The following TMEM131 variants were observed in gnomAD, a reference collection of about 807,000 sequenced individuals.
The protein encoded by TMEM131 is transmembrane protein 131, also known as 2610524E03Rik.
TMEM131 carries 66 observed loss-of-function variants against 211.6 expected under a neutral mutation model. That is an observed-to-expected ratio of 0.31 (90% confidence interval 0.26 to 0.38). The LOEUF (loss-of-function observed/expected upper bound fraction) is 0.38. Ranked by LOEUF, TMEM131 falls within the 10% of genes least tolerant of loss-of-function variation. The pLI, the probability that TMEM131 is intolerant of heterozygous loss-of-function variation, is 1.00. For synonymous variants in TMEM131, 844 were observed against 841.3 expected, an observed-to-expected ratio of 1.00 and a Z score of -0.06; for missense variants, 2,036 against 2,299.3, an observed-to-expected ratio of 0.89 and a Z score of 2.34.
intron 3 of TMEM131, among the ~76,000 whole-genome samples, chr2:97,906,963 T>C (rs751076212): frequency 6.6e-6 from 1 of 152,246 alleles, no homozygotes; most frequent in Non-Finnish European, 1.5e-5. Flanking sequence ...TTCTTCATTA[T>C]ACTAGGAAAA....
At position 97,766,839 on chromosome 2, in the gene TMEM131, G is replaced by A. The variant is rs188700391; in HGVS notation, c.4449-237C>T. 5.3e-5 allele frequency among the ~76,000 whole-genome samples: 8 copies of A among 152,304 alleles called. No individual in the cohort carries two copies. The East Asian group carries it at 1.2e-3, about 22-fold the overall frequency. On this transcript the variant is annotated intron_variant, in intron 33 of 40. Transcript: ENST00000186436. ...CTGAACCTTTGCTATTCCAAGTGCT[G>A]ACAATGAACTGAGGTCCATTATTTA... is the stretch of plus-strand genomic sequence containing the variant.
intron 11 of TMEM131, among the ~76,000 whole-genome samples, chr2:97,832,704 A>T (rs945819413): frequency 4.6e-5 from 7 of 152,198 alleles, no homozygotes. Flanking sequence ...ATGATTACAC[A>T]TGTATATATC....
Position 97,818,669 on chromosome 2 carries a change from A to G in TMEM131, c.1127T>C (p.Ile376Thr), listed in dbSNP as rs1327643308. Residue 376 changes from isoleucine to threonine, a missense_variant, in exon 12 of 41, where the codon ATT becomes ACT. Ile to Thr is a moderately conservative substitution (Grantham distance 89, BLOSUM62 -1). Transcript: ENST00000186436. ...TTTACTTTCTGATGCTTTTAATGTA[A>G]TTGGTTTAAAGTGTACCGTTATAGC... Reference protein sequence around the residue: ...NDAITVHFKPITLKASESKYT... With the variant: ...NDAITVHFKPTTLKASESKYT... 1 of 1,608,818 alleles carries G rather than the reference A, an allele frequency of 6.2e-7. No individual in the cohort carries two copies. Among genetic ancestry groups the G allele is most frequent in the South Asian group, 1.1e-5 (1 of 89,974 alleles).
chr2:97,831,436 T>C (rs553294025), intron 11 of TMEM131, among the ~76,000 whole-genome samples: 2 of 152,152 alleles, frequency 1.3e-5, no homozygotes, highest in South Asian at 4.1e-4. Context: ...ATTGAATGGG[T>C]GAATGAAGGC....
At chr2:97,959,429 C>T (rs1678717068) in intron 1 of TMEM131, among the ~76,000 whole-genome samples, 2 of 152,042 alleles carry the variant, frequency 1.3e-5, no homozygotes, top group Admixed American at 1.3e-4. Context: ...ATTTTCTTGG[C>T]GCACCTTTTA....
intron 1 of TMEM131, among the ~76,000 whole-genome samples, chr2:97,961,154 T>C (rs779755693): frequency 4.3e-4 from 64 of 150,364 alleles, no homozygotes; most frequent in Admixed American, 4.0e-4. Context: ...AAAAAGGTGC[T>C]ATTAGAACAA....
intron 18 of TMEM131, 92 bp downstream of exon 18, chr2:97,811,036 G>T: frequency 2.2e-6 from 2 of 914,532 alleles, no homozygotes; most frequent in Non-Finnish European, 1.8e-6. Context: ...CTGTAACTCT[G>T]AGTAAACTTA....
chr2:97,949,493 C>T (rs1678198519), intron 1 of TMEM131, among the ~76,000 whole-genome samples: 1 of 152,086 alleles, frequency 6.6e-6, no homozygotes, highest in Non-Finnish European at 1.5e-5. Context: ...GTTTATTGTA[C>T]ATTAATTATA....
intron 1 of TMEM131, among the ~76,000 whole-genome samples, chr2:97,975,490 T>C (rs1559485317): frequency 1.3e-5 from 2 of 152,144 alleles, no homozygotes; most frequent in Admixed American, 6.5e-5. Flanking sequence ...GGGAACATTA[T>C]GAACAACTTT....
chr2:97,826,037 G>C (rs1020053666), intron 11 of TMEM131, among the ~76,000 whole-genome samples: 2 of 152,176 alleles, frequency 1.3e-5, no homozygotes, highest in Non-Finnish European at 2.9e-5. Flanking sequence ...GGAACCAATC[G>C]AGCATGACTG....
At chr2:97,802,892 G>A (rs954452901) in intron 22 of TMEM131, 102 bp from the exon 23 acceptor site, 19 of 1,006,318 alleles carry the variant, frequency 1.9e-5, no homozygotes, top group Non-Finnish European at 2.4e-5. Flanking sequence ...ATTTTTTGCT[G>A]GCCCTGAAAA....
rs193216936 is a variant in TMEM131 at position 97,876,166 on chromosome 2, G to A, written c.359+11886C>T. Among the ~76,000 whole-genome samples the A allele has an allele frequency of 3.1e-3, 468 of 152,218 alleles. 3 individuals carry two copies. The highest frequency in any genetic ancestry group is 9.7e-3 in the African/African-American group (401 of 41,536). ...CTCAAGACTAAACCAGGAAAAAGTCGAATCCCTGAATAGACCAATAACAAG... is the reference window on the plus strand; with the variant it reads ...CTCAAGACTAAACCAGGAAAAAGTCAAATCCCTGAATAGACCAATAACAAG... On this transcript the variant is annotated intron_variant, in intron 4 of 40. Coordinates refer to ENST00000186436, the MANE Select transcript of TMEM131 (RefSeq NM_015348.2).
intron 1 of TMEM131, among the ~76,000 whole-genome samples, chr2:97,993,509 T>C (rs1307657865): frequency 1.3e-5 from 2 of 152,236 alleles, no homozygotes; most frequent in African/African-American, 4.8e-5. Context: ...TCACAGAATA[T>C]TTGATTAGAA....
chr2:97,809,807 A>G, intron 18 of TMEM131, 33 bp from the exon 19 acceptor site: 1 of 1,519,552 alleles, frequency 6.6e-7, no homozygotes, highest in Non-Finnish European at 9.0e-7. Context: ...ATAGATAAGT[A>G]GTTAAGACTT....
chr2:97,990,331 T>C (rs1453676241), intron 1 of TMEM131, among the ~76,000 whole-genome samples: 1 of 151,154 alleles, frequency 6.6e-6, no homozygotes, highest in Non-Finnish European at 1.5e-5. Flanking sequence ...AAAAAAAAAG[T>C]ACATTTTACT....
Position 97,815,858 on chromosome 2 carries a change from G to T in TMEM131, c.1184-551C>A, listed in dbSNP as rs78029183. The stretch of plus-strand genomic sequence containing the variant: ...AACTGAGAAAGAAATAACATTTCTT[G>T]TATGGCCAAAGTCTTGCTCTATCAC... On this transcript the variant is annotated intron_variant, in intron 12 of 40. Transcript: ENST00000186436. Among the ~76,000 whole-genome samples the T allele has an allele frequency of 2.2e-3, 334 of 152,196 alleles. 2 individuals are homozygous for T. Among genetic ancestry groups the T allele is most frequent in the South Asian group, 9.8e-3 (47 of 4,818 alleles).
intron 1 of TMEM131, among the ~76,000 whole-genome samples, chr2:97,946,872 A>G (rs2104516264): frequency 6.6e-6 from 1 of 152,132 alleles, no homozygotes; most frequent in Middle Eastern, 3.4e-3. Flanking sequence ...AAAAGATAAA[A>G]ACATCATGAC....
rs1384819065 is a variant in TMEM131, at chr2:97,876,492, C to G, written c.359+11560G>C. Among the ~76,000 whole-genome samples the G allele has an allele frequency of 2.6e-5, 4 of 152,262 alleles. No homozygotes were observed. In the East Asian group the frequency reaches 7.7e-4, roughly 29 times the overall value. ...GCAAACTGAATAGCACATCAAAAAGCTTATCCACCACGATCAAGTTGTCTT... is the reference window on the plus strand; with the variant it reads ...GCAAACTGAATAGCACATCAAAAAGGTTATCCACCACGATCAAGTTGTCTT... On this transcript the variant is annotated intron_variant, in intron 4 of 40. Transcript: ENST00000186436.
chr2:97,877,082 T>C (rs1303432366), intron 4 of TMEM131, among the ~76,000 whole-genome samples: 1 of 152,054 alleles, frequency 6.6e-6, no homozygotes, highest in Non-Finnish European at 1.5e-5. Flanking sequence ...GAGAGCCAAA[T>C]CATGAGTAAC....
Sources: gnomAD v4.1 joint callset for allele counts (sites outside exome capture counted in the v4.1 genomes callset) on GRCh38, gnomAD v4.1.1 for gene constraint, MANE v1.5 for transcripts, NCBI Gene and HGNC (gene_info 2026-07-23, HGNC 2026-07-21) for gene names.